Variants in PCDH15 observed in about 807,000 individuals in gnomAD.
PCDH15 encodes protocadherin-15.
Under a neutral mutation model 178.5 loss-of-function variants are expected in PCDH15, and 129 were observed. The observed-to-expected ratio is 0.72, with a 90% confidence interval of 0.63 to 0.84. PCDH15 has a LOEUF of 0.84. Among genes scored for constraint, PCDH15 ranks in the 40% least tolerant of loss-of-function variants. The pLI is 0.00. For synonymous variants in PCDH15, 800 were observed against 732.0 expected (o/e 1.09, Z -1.50); for missense variants, 2,230 against 2,099.9 (o/e 1.06, Z -1.21).
At chr10:55,280,878 TTA>T (rs1842716830) in intron 1 of PCDH15, among the ~76,000 whole-genome samples, 1 of 152,202 alleles carries the variant, frequency 6.6e-6, no homozygotes, top group Non-Finnish European at 1.5e-5. Flanking sequence ...TCAGATCCAT[TTA>T]TATTTCATGC....
chr10:54,932,659 C>T (rs1220405064), intron 2 of PCDH15, among the ~76,000 whole-genome samples: 1 of 152,066 alleles, frequency 6.6e-6, no homozygotes, highest in Non-Finnish European at 1.5e-5. Context: ...GTCTCAGCCT[C>T]CTGAGTAGCT....
At chr10:54,517,438 C>G (rs975927808) in intron 3 of PCDH15, among the ~76,000 whole-genome samples, 1 of 151,972 alleles carries the variant, frequency 6.6e-6, no homozygotes, top group African/African-American at 2.4e-5. Context: ...AGACTTTAAA[C>G]CAACAAACAT....
chr10:54,958,014 C>G (rs922436023), intron 2 of PCDH15, among the ~76,000 whole-genome samples: 2 of 151,622 alleles, frequency 1.3e-5, no homozygotes, highest in African/African-American at 4.8e-5. Flanking sequence ...AATTAGAGAC[C>G]AAAGGAATCT....
intron 3 of PCDH15, among the ~76,000 whole-genome samples, chr10:54,454,440 ATTG>A (rs2076685470): frequency 6.7e-6 from 1 of 149,008 alleles, no homozygotes; most frequent in Non-Finnish European, 1.5e-5. Flanking sequence ...ATTAATATTT[ATTG>A]TTAATTTTAA....
chr10:55,266,800 T>C (rs1015330798), intron 1 of PCDH15, among the ~76,000 whole-genome samples: 1 of 152,126 alleles, frequency 6.6e-6, no homozygotes, highest in African/African-American at 2.4e-5. Flanking sequence ...CCCCAGCCAC[T>C]AAGCGGCCTA....
In PCDH15 at chr10:55,621,014, A is replaced by AAT. The variant is rs886975946; in HGVS notation, c.-156+6609_-156+6610dup. Among the ~76,000 whole-genome samples, 276 of 148,640 alleles carry AAT rather than the reference A, an allele frequency of 1.9e-3. 2 individuals are homozygous for AAT. Among genetic ancestry groups the AAT allele is most frequent in the African/African-American group, 6.9e-3 (265 of 38,606 alleles). ...TAATGCATTAGTAAAAACTGTTCTG[A>AAT]ATATATATATATTATGTTTATGTTA... On this transcript the variant is annotated intron_variant, in intron 2 of 5. Transcript: ENST00000613346.
intron 2 of PCDH15, among the ~76,000 whole-genome samples, chr10:54,992,846 G>T (rs1459328070): frequency 6.6e-6 from 1 of 151,842 alleles, no homozygotes; most frequent in Non-Finnish European, 1.5e-5. Flanking sequence ...TCTCTGGTTT[G>T]CTTTACTATT....
At chr10:55,269,147 A>G (rs1564951767) in intron 1 of PCDH15, among the ~76,000 whole-genome samples, 1 of 152,096 alleles carries the variant, frequency 6.6e-6, no homozygotes, top group Non-Finnish European at 1.5e-5. Context: ...AAATAAGAAC[A>G]ATCTATGACA....
intron 23 of PCDH15, among the ~76,000 whole-genome samples, chr10:53,945,991 T>C (rs1171070836): frequency 2.6e-5 from 4 of 151,456 alleles, no homozygotes; most frequent in African/African-American, 7.3e-5. Flanking sequence ...CTTCCACCAA[T>C]AGCCTGATTT....
At chr10:54,762,973 T>C (rs1948075955) in intron 1 of PCDH15, among the ~76,000 whole-genome samples, 1 of 152,342 alleles carries the variant, frequency 6.6e-6, no homozygotes, top group Middle Eastern at 3.4e-3. Flanking sequence ...CATAAGTTTG[T>C]GTCACAATTT....
chr10:55,173,117 T>C (rs1362486576), intron 1 of PCDH15, among the ~76,000 whole-genome samples: 1 of 151,926 alleles, frequency 6.6e-6, no homozygotes, highest in African/African-American at 2.4e-5. Flanking sequence ...AAAAATTGAT[T>C]TTGCTTTGTA....
In PCDH15 at chr10:55,359,720, GTATATATATATATATA is replaced by G. The variant is rs57949952; in HGVS notation, c.-155-193085_-155-193070del. ...GATGAACAAATAAAGAAAATGTGGT[GTATATATATATATATA>G]TATATATATATACACACACACACAC... On this transcript the variant is annotated intron_variant, in intron 2 of 5. Transcript: ENST00000613346. Among the ~76,000 whole-genome samples, 64 of 112,938 alleles carry G rather than the reference GTATATATATATATATA, an allele frequency of 5.7e-4. 1 individual carries two copies. Among genetic ancestry groups the G allele is most frequent in the Admixed American group, 1.9e-4 (2 of 10,676 alleles). The allele number at this position is 112,938 out of a possible 152,430, so 74.1% of individuals were successfully genotyped here.
At chr10:54,676,603 C>T (rs779699022) in intron 1 of PCDH15, among the ~76,000 whole-genome samples, 1 of 152,122 alleles carries the variant, frequency 6.6e-6, no homozygotes, top group Non-Finnish European at 1.5e-5. Context: ...TTTATTAACA[C>T]TCTTGTCTAA....
At chr10:54,563,105 A>G (rs2088450056) in intron 2 of PCDH15, among the ~76,000 whole-genome samples, 1 of 152,194 alleles carries the variant, frequency 6.6e-6, no homozygotes, top group African/African-American at 2.4e-5. Context: ...GATAAAGGAA[A>G]TAAAAAAAGT....
At chr10:54,070,816 C>A (rs1371619777) in intron 17 of PCDH15, among the ~76,000 whole-genome samples, 1 of 151,816 alleles carries the variant, frequency 6.6e-6, no homozygotes, top group African/African-American at 2.4e-5. Context: ...CCTAGGTGGT[C>A]TCAAACTTCT....
intron 1 of PCDH15, among the ~76,000 whole-genome samples, chr10:55,187,320 T>C (rs1053765976): frequency 6.6e-6 from 1 of 152,078 alleles, no homozygotes; most frequent in African/African-American, 2.4e-5. Flanking sequence ...TATTGAAATA[T>C]GTAAATATTC....
chr10:55,544,093 C>G (rs1052199619), intron 2 of PCDH15, among the ~76,000 whole-genome samples: 3 of 141,314 alleles, frequency 2.1e-5, no homozygotes, highest in African/African-American at 7.8e-5. Context: ...TGCAGATCAA[C>G]TGAGTTTAAA....
At chr10:54,889,363 T>C (rs1954418823) in intron 3 of PCDH15, among the ~76,000 whole-genome samples, 1 of 151,714 alleles carries the variant, frequency 6.6e-6, no homozygotes, top group Admixed American at 6.6e-5. Flanking sequence ...TGCTTCCTTA[T>C]TATCAATAGC....
intron 1 of PCDH15, among the ~76,000 whole-genome samples, chr10:55,278,472 G>A (rs1230601622): frequency 6.6e-6 from 1 of 151,948 alleles, no homozygotes; most frequent in Non-Finnish European, 1.5e-5. Flanking sequence ...TGATCCTCCC[G>A]TCTCGGCCTC....
Sources: gnomAD v4.1 joint callset for allele counts (sites outside exome capture counted in the v4.1 genomes callset) on GRCh38, gnomAD v4.1.1 for gene constraint, MANE v1.5 for transcripts, NCBI Gene and HGNC (gene_info 2026-07-23, HGNC 2026-07-21) for gene names.